Variants in ANXA10 observed in about 807,000 individuals in gnomAD.
ANXA10 encodes annexin 14.
Under a neutral mutation model 53.5 loss-of-function variants are expected in ANXA10, and 49 were observed. The observed-to-expected ratio is 0.92, with a 90% CI of 0.73 to 1.16. The LOEUF (loss-of-function observed/expected upper bound fraction) is 1.16, where lower values mean the gene tolerates loss of function less well. Ranked by LOEUF, ANXA10 falls within the 50% of genes most tolerant of loss-of-function variation. ANXA10 has a pLI of 0.00. For missense variants in ANXA10, 393 were observed against 394.4 expected (o/e 1.00, Z 0.03); for synonymous variants, 131 against 128.9 (o/e 1.02, Z -0.11).
chr4:168,105,876 C>CT (rs1220614423), intron 1 of ANXA10, among the ~76,000 whole-genome samples: 2 of 152,022 alleles, frequency 1.3e-5, no homozygotes, highest in Non-Finnish European at 2.9e-5. Context: ...CAGTGATAAG[C>CT]TTTTTTTCAT....
rs148521362 is a variant in ANXA10, at chr4:168,122,389, C to G, written c.19-5695C>G. On this transcript the variant is annotated intron_variant, in intron 1 of 11. Transcript: ENST00000359299. Reference sequence around the variant, plus strand: ...TAATTTACGTTGAAACTCGCACATACATTTTAAGCCCAATATAATACTCTG... The same window carrying G: ...TAATTTACGTTGAAACTCGCACATAGATTTTAAGCCCAATATAATACTCTG... Among the ~76,000 whole-genome samples the G allele has an allele frequency of 1.6e-3, 247 of 152,288 alleles. 1 individual carries two copies. Among genetic ancestry groups the G allele is most frequent in the African/African-American group, 5.5e-3 (227 of 41,552 alleles).
intron 6 of ANXA10, among the ~76,000 whole-genome samples, chr4:168,167,269 T>C (rs1440178768): frequency 6.6e-6 from 1 of 152,158 alleles, no homozygotes; most frequent in African/African-American, 2.4e-5. Flanking sequence ...GGTACCTTTC[T>C]ACTTTATGAT....
chr4:168,165,994 T>G (rs1386099193), intron 6 of ANXA10, among the ~76,000 whole-genome samples: 1 of 152,202 alleles, frequency 6.6e-6, no homozygotes, highest in Non-Finnish European at 1.5e-5. Context: ...TAATTTCATT[T>G]TTAAAACTGC....
At chr4:168,110,317 CT>C (rs1322080953) in intron 1 of ANXA10, among the ~76,000 whole-genome samples, 1 of 152,036 alleles carries the variant, frequency 6.6e-6, no homozygotes, top group African/African-American at 2.4e-5. Context: ...AAATGTGCTC[CT>C]TTTGTCTCCT....
At chr4:168,094,506 C>T (rs1579195630) in intron 1 of ANXA10, among the ~76,000 whole-genome samples, 1 of 152,026 alleles carries the variant, frequency 6.6e-6, no homozygotes, top group South Asian at 2.1e-4. Flanking sequence ...TCTCTTTAAT[C>T]GGATGTTCTC....
intron 6 of ANXA10, among the ~76,000 whole-genome samples, chr4:168,167,778 G>C (rs1304458169): frequency 6.6e-6 from 1 of 152,056 alleles, no homozygotes; most frequent in African/African-American, 2.4e-5. Flanking sequence ...TTGCATCCTT[G>C]CTCCCTCATT....
intron 1 of ANXA10, among the ~76,000 whole-genome samples, chr4:168,122,997 A>G (rs1456879402): frequency 6.6e-6 from 1 of 152,208 alleles, no homozygotes; most frequent in Non-Finnish European, 1.5e-5. Context: ...GAAGTCAGAA[A>G]TTATTTCAAA....
At chr4:168,142,670 A>G (rs893715283) in intron 3 of ANXA10, among the ~76,000 whole-genome samples, 2 of 152,236 alleles carry the variant, frequency 1.3e-5, no homozygotes, top group African/African-American at 2.4e-5. Flanking sequence ...AGAGCTTACC[A>G]TAAATGTCTG....
chr4:168,102,235 G>T (rs111984172), intron 1 of ANXA10, among the ~76,000 whole-genome samples: 1 of 152,034 alleles, frequency 6.6e-6, no homozygotes, highest in East Asian at 1.9e-4. Context: ...TGCATTTTCT[G>T]TTGGGTTTTC....
At chr4:168,136,934 G>T (rs1731247643) in intron 2 of ANXA10, among the ~76,000 whole-genome samples, 1 of 152,170 alleles carries the variant, frequency 6.6e-6, no homozygotes, top group Admixed American at 6.5e-5. Flanking sequence ...CTAGGCAAAG[G>T]CTCCAAAACC....
At position 168,139,072 on chromosome 4, in the gene ANXA10, A is replaced by G. The variant is rs150619544; in HGVS notation, c.101-414A>G. 1.4e-3 allele frequency among the ~76,000 whole-genome samples: 212 copies of G among 152,130 alleles called. 1 individual carries two copies. The highest frequency in any genetic ancestry group is 4.5e-3 in the African/African-American group (186 of 41,506). The stretch of plus-strand genomic sequence containing the variant: ...AGATAGTTTGGCTTCCTCTTTTCCA[A>G]TTTGGGTGTTTTTTATTTTTTTCTC... On this transcript the variant is annotated intron_variant, in intron 2 of 11. Coordinates refer to ENST00000359299, the MANE Select transcript of ANXA10 (RefSeq NM_007193.5).
At chr4:168,182,073 C>T (rs896992102) in intron 10 of ANXA10, among the ~76,000 whole-genome samples, 6 of 151,996 alleles carry the variant, frequency 3.9e-5, no homozygotes, top group African/African-American at 1.5e-4. Context: ...TATGCAAGTA[C>T]AAAACATATG....
chr4:168,156,043 T>A (rs1457569883), intron 3 of ANXA10, among the ~76,000 whole-genome samples: 1 of 73,180 alleles, frequency 1.4e-5, no homozygotes, highest in Non-Finnish European at 2.3e-5. Flanking sequence ...AGTATTATAT[T>A]ATATATTATA....
intron 3 of ANXA10, among the ~76,000 whole-genome samples, chr4:168,146,263 A>C (rs1413112335): frequency 2.0e-5 from 3 of 152,206 alleles, no homozygotes; most frequent in Non-Finnish European, 4.4e-5. Flanking sequence ...GTAGTCTAGA[A>C]AGCCAAAAAC....
At chr4:168,130,942 A>C (rs929660242) in intron 2 of ANXA10, among the ~76,000 whole-genome samples, 1 of 151,780 alleles carries the variant, frequency 6.6e-6, no homozygotes, top group African/African-American at 2.4e-5. Context: ...CCCAAAAAAA[A>C]CCAGCTTTTG....
intron 3 of ANXA10, among the ~76,000 whole-genome samples, chr4:168,153,025 G>A (rs1475958791): frequency 2.6e-5 from 4 of 151,824 alleles, no homozygotes; most frequent in African/African-American, 7.3e-5. Flanking sequence ...GGCATTTTTT[G>A]TGGAGACGGG....
At chr4:168,127,058 C>G (rs566576257) in intron 1 of ANXA10, among the ~76,000 whole-genome samples, 1 of 152,258 alleles carries the variant, frequency 6.6e-6, no homozygotes, top group African/African-American at 2.4e-5. Flanking sequence ...GAAGACTCAT[C>G]TGCTGTGGGA....
intron 2 of ANXA10, among the ~76,000 whole-genome samples, chr4:168,133,393 A>C (rs759283575): frequency 1.4e-4 from 22 of 152,116 alleles, no homozygotes; most frequent in Non-Finnish European, 2.9e-4. Context: ...TATGTTATGA[A>C]GTATGGAAAA....
At chr4:168,171,718 C>A (rs879733031) in intron 6 of ANXA10, among the ~76,000 whole-genome samples, 2 of 152,080 alleles carry the variant, frequency 1.3e-5, no homozygotes, top group Non-Finnish European at 2.9e-5. Context: ...AAAACTAATG[C>A]CAATTATTAA....
Sources: gnomAD v4.1 joint callset for allele counts (sites outside exome capture counted in the v4.1 genomes callset) on GRCh38, gnomAD v4.1.1 for gene constraint, MANE v1.5 for transcripts, NCBI Gene and HGNC (gene_info 2026-07-23, HGNC 2026-07-21) for gene names.